The following KCNMB2 variants were observed in gnomAD, a reference collection of about 807,000 sequenced individuals.
The protein encoded by KCNMB2 is potassium calcium-activated channel subfamily M regulatory beta subunit 2.
In KCNMB2, 9 loss-of-function variants were observed where a neutral mutation model predicts 24.5. The observed-to-expected ratio is 0.37, with a 90% CI of 0.22 to 0.64. KCNMB2 has a LOEUF of 0.64. KCNMB2 is among the 30% of genes least tolerant of loss of function. The probability of loss-of-function intolerance (pLI) is 0.63; values close to 1 mark genes in which losing one functional copy is unlikely to be tolerated. For synonymous variants in KCNMB2, 109 were observed against 104.4 expected, an observed-to-expected ratio of 1.04 and a Z score of -0.27; for missense variants, 226 against 284.3, an observed-to-expected ratio of 0.79 and a Z score of 1.47.
chr3:178,599,100 C>T (rs1262884083), intron 1 of KCNMB2, among the ~76,000 whole-genome samples: 6 of 151,924 alleles, frequency 3.9e-5, no homozygotes, highest in African/African-American at 9.7e-5. Flanking sequence ...GAGAGTGGAT[C>T]GAGAAAGGTG....
At chr3:178,751,836 A>G (rs541775387) in intron 1 of KCNMB2, among the ~76,000 whole-genome samples, 1 of 152,326 alleles carries the variant, frequency 6.6e-6, no homozygotes, top group East Asian at 1.9e-4. Flanking sequence ...CAACCAATCA[A>G]TGGCTACCTT....
chr3:178,754,165 T>TAG (rs1553773737), intron 1 of KCNMB2, among the ~76,000 whole-genome samples: 22 of 89,530 alleles, frequency 2.5e-4, no homozygotes, highest in African/African-American at 1.4e-3. Flanking sequence ...TATATATATA[T>TAG]ATATATATAT....
chr3:178,632,890 T>C (rs993765099), intron 1 of KCNMB2, among the ~76,000 whole-genome samples: 1 of 151,950 alleles, frequency 6.6e-6, no homozygotes, highest in African/African-American at 2.4e-5. Context: ...ACCATGGGAG[T>C]ACAGGTATTG....
At chr3:178,839,373 A>C (rs1215401373) in intron 4 of KCNMB2, among the ~76,000 whole-genome samples, 1 of 152,204 alleles carries the variant, frequency 6.6e-6, no homozygotes, top group African/African-American at 2.4e-5. Flanking sequence ...TAGATAAGAA[A>C]GAGGAGAAAG....
At chr3:178,714,224 T>G (rs1722545615) in intron 1 of KCNMB2, among the ~76,000 whole-genome samples, 1 of 152,250 alleles carries the variant, frequency 6.6e-6, no homozygotes, top group African/African-American at 2.4e-5. Flanking sequence ...ATTTCAATAT[T>G]TTTTCATTTA....
At chr3:178,650,410 G>A (rs370853361) in intron 1 of KCNMB2, among the ~76,000 whole-genome samples, 10 of 152,076 alleles carry the variant, frequency 6.6e-5, no homozygotes, top group African/African-American at 1.9e-4. Flanking sequence ...TTTCTGTCTC[G>A]ATGATCTGTC....
At chr3:178,552,584 G>T (rs1374637847) in intron 1 of KCNMB2, among the ~76,000 whole-genome samples, 1 of 151,984 alleles carries the variant, frequency 6.6e-6, no homozygotes, top group African/African-American at 2.4e-5. Flanking sequence ...GATGCATGGG[G>T]CTGCTTTTCT....
intron 1 of KCNMB2, among the ~76,000 whole-genome samples, chr3:178,598,506 G>A (rs1283493085): frequency 6.6e-6 from 1 of 151,926 alleles, no homozygotes; most frequent in East Asian, 1.9e-4. Flanking sequence ...ACCAAACAGA[G>A]AGATATTTGT....
At chr3:178,589,986 T>G (rs1003170601) in intron 1 of KCNMB2, among the ~76,000 whole-genome samples, 3 of 152,174 alleles carry the variant, frequency 2.0e-5, no homozygotes, top group African/African-American at 7.2e-5. Flanking sequence ...TCTTTTAACA[T>G]CCTACTGTGT....
chr3:178,826,984 G>A (rs1198035254), intron 3 of KCNMB2, among the ~76,000 whole-genome samples: 1 of 152,164 alleles, frequency 6.6e-6, no homozygotes, highest in Non-Finnish European at 1.5e-5. Context: ...GACCACCCAT[G>A]TTCCAGGAAA....
At chr3:178,567,452 T>C (rs1052375092) in intron 1 of KCNMB2, among the ~76,000 whole-genome samples, 4 of 152,146 alleles carry the variant, frequency 2.6e-5, no homozygotes, top group African/African-American at 9.7e-5. Context: ...ATTATTATCA[T>C]CATTATTGCC....
intron 1 of KCNMB2, among the ~76,000 whole-genome samples, chr3:178,734,188 T>C (rs2108370332): frequency 6.6e-6 from 1 of 152,348 alleles, no homozygotes; most frequent in South Asian, 2.1e-4. Context: ...ATATGCACCT[T>C]ATACACATAG....
chr3:178,769,992 G>A (rs148295147), intron 1 of KCNMB2, among the ~76,000 whole-genome samples: 17 of 152,230 alleles, frequency 1.1e-4, no homozygotes, highest in African/African-American at 4.1e-4. Context: ...ACAATTTATT[G>A]TCCAAATCAG....
At chr3:178,786,622 G>A (rs773250305) in intron 1 of KCNMB2, among the ~76,000 whole-genome samples, 1 of 152,038 alleles carries the variant, frequency 6.6e-6, no homozygotes, top group East Asian at 1.9e-4. Flanking sequence ...TTTGCCATGA[G>A]CATTACCGAA....
chr3:178,783,649 T>C (rs1333756635), intron 1 of KCNMB2, among the ~76,000 whole-genome samples: 3 of 151,148 alleles, frequency 2.0e-5, no homozygotes, highest in East Asian at 3.9e-4. Context: ...TTTTGTATCC[T>C]GAGACTTTGC....
rs78927151 is a variant in KCNMB2 at position 178,629,031 on chromosome 3, C to T, written c.-68+92320C>T. Among the ~76,000 whole-genome samples, 1,105 of 152,110 alleles carry T rather than the reference C, an allele frequency of 7.3e-3. 13 individuals are homozygous for T. The highest frequency in any genetic ancestry group is 0.026 in the African/African-American group (1,064 of 41,520). On this transcript the variant is annotated intron_variant, in intron 1 of 4. Transcript: ENST00000452583. ...AAATTTAACTACTCAATTTAATGTA[C>T]GGAATTAATATTTTCATTCAGACCT...
intron 1 of KCNMB2, among the ~76,000 whole-genome samples, chr3:178,542,308 A>G (rs1715646495): frequency 6.6e-6 from 1 of 152,252 alleles, no homozygotes; most frequent in African/African-American, 2.4e-5. Context: ...GATGACAGTA[A>G]TAACTACCTG....
chr3:178,660,425 G>A (rs529541581), intron 1 of KCNMB2, among the ~76,000 whole-genome samples: 1 of 152,168 alleles, frequency 6.6e-6, no homozygotes, highest in Non-Finnish European at 1.5e-5. Context: ...ACTTGGCTGG[G>A]ACTGAGTTCT....
intron 1 of KCNMB2, among the ~76,000 whole-genome samples, chr3:178,690,806 T>C (rs1721644119): frequency 6.6e-6 from 1 of 152,230 alleles, no homozygotes; most frequent in Non-Finnish European, 1.5e-5. Context: ...AAGGTTGGAA[T>C]GAAACTCAGA....
Sources: gnomAD v4.1 joint callset for allele counts (sites outside exome capture counted in the v4.1 genomes callset) on GRCh38, gnomAD v4.1.1 for gene constraint, MANE v1.5 for transcripts, NCBI Gene and HGNC (gene_info 2026-07-23, HGNC 2026-07-21) for gene names.